Variants in CTNNA3 observed in about 807,000 individuals in gnomAD.
The protein encoded by CTNNA3 is catenin alpha-3.
A neutral mutation model predicts 95.7 loss-of-function variants in CTNNA3; 76 were observed. The observed-to-expected ratio is 0.79, with a 90% CI of 0.66 to 0.96. The LOEUF (loss-of-function observed/expected upper bound fraction) is 0.96. Ranked by LOEUF, CTNNA3 falls within the 40% of genes least tolerant of loss-of-function variation. The pLI is 0.00. For missense variants in CTNNA3, 1,191 were observed against 1,089.8 expected (o/e 1.09, Z -1.31); for synonymous variants, 431 against 374.4 (o/e 1.15, Z -1.74).
At chr10:66,378,498 A>G (rs1255914209) in intron 12 of CTNNA3, among the ~76,000 whole-genome samples, 1 of 152,168 alleles carries the variant, frequency 6.6e-6, no homozygotes, top group Non-Finnish European at 1.5e-5. Context: ...TTTTGAATCC[A>G]TATGAATTCA....
intron 2 of CTNNA3, among the ~76,000 whole-genome samples, chr10:67,637,479 G>C (rs867500408): frequency 6.6e-6 from 1 of 152,108 alleles, no homozygotes; most frequent in African/African-American, 2.4e-5. Flanking sequence ...ATCTAGCAAG[G>C]CAGGCCAACA....
At chr10:66,426,154 G>A (rs2093238925) in intron 11 of CTNNA3, among the ~76,000 whole-genome samples, 1 of 151,972 alleles carries the variant, frequency 6.6e-6, no homozygotes, top group Non-Finnish European at 1.5e-5. Flanking sequence ...ACTACTTAGA[G>A]CTATTATGGT....
intron 7 of CTNNA3, among the ~76,000 whole-genome samples, chr10:66,906,596 C>T (rs1410295557): frequency 1.3e-5 from 2 of 152,024 alleles, no homozygotes; most frequent in African/African-American, 2.4e-5. Flanking sequence ...ATTAATTTTT[C>T]GATACAATAT....
intron 3 of CTNNA3, among the ~76,000 whole-genome samples, chr10:67,582,770 T>C (rs573049499): frequency 6.6e-6 from 1 of 152,302 alleles, no homozygotes; most frequent in Admixed American, 6.5e-5. Flanking sequence ...ATATTTAGGA[T>C]AGTTAGCTCT....
intron 7 of CTNNA3, among the ~76,000 whole-genome samples, chr10:67,004,168 A>G (rs1851841761): frequency 6.6e-6 from 1 of 152,140 alleles, no homozygotes; most frequent in Non-Finnish European, 1.5e-5. Flanking sequence ...GTAGTGACAA[A>G]TACTTAATTA....
chr10:67,018,659 C>T (rs1364340602), intron 7 of CTNNA3, among the ~76,000 whole-genome samples: 2 of 152,182 alleles, frequency 1.3e-5, no homozygotes, highest in East Asian at 3.8e-4. Flanking sequence ...ACCTACTAGC[C>T]TTTTTAACCG....
At chr10:66,860,028 A>C (rs1270336594) in intron 7 of CTNNA3, among the ~76,000 whole-genome samples, 1 of 83,342 alleles carries the variant, frequency 1.2e-5, no homozygotes, top group Non-Finnish European at 2.3e-5. Context: ...GGGTGGGGGG[A>C]GGGGGGAGGG....
At chr10:66,252,911 G>C (rs1426961891) in intron 13 of CTNNA3, among the ~76,000 whole-genome samples, 1 of 152,088 alleles carries the variant, frequency 6.6e-6, no homozygotes, top group African/African-American at 2.4e-5. Flanking sequence ...AACTTTTTGG[G>C]AGATAGAGAG....
chr10:66,342,946 TA>T (rs1262878176), intron 12 of CTNNA3, among the ~76,000 whole-genome samples: 2 of 152,052 alleles, frequency 1.3e-5, no homozygotes, highest in African/African-American at 4.8e-5. Context: ...TTCATTGTTT[TA>T]TTTAATTCTC....
At chr10:66,223,570 T>C (rs1253613589) in intron 13 of CTNNA3, among the ~76,000 whole-genome samples, 1 of 152,182 alleles carries the variant, frequency 6.6e-6, no homozygotes, top group Non-Finnish European at 1.5e-5. Flanking sequence ...TTTTCAGAGG[T>C]ATTTGTTTGT....
At chr10:67,763,305 C>G (rs1001656950) in intron 1 of CTNNA3, among the ~76,000 whole-genome samples, 6 of 151,896 alleles carry the variant, frequency 4.0e-5, no homozygotes, top group Non-Finnish European at 8.8e-5. Flanking sequence ...AAAGAACAAT[C>G]TCAGACAAAA....
chr10:67,683,582 A>AT (rs1261373230), intron 1 of CTNNA3, among the ~76,000 whole-genome samples: 9 of 152,322 alleles, frequency 5.9e-5, no homozygotes, highest in African/African-American at 2.2e-4. Context: ...TTCATTTATT[A>AT]CCCAGTTAAT....
At chr10:67,661,114 CATGTAT>C (rs534191478) in intron 1 of CTNNA3, among the ~76,000 whole-genome samples, 26 of 151,978 alleles carry the variant, frequency 1.7e-4, no homozygotes, top group African/African-American at 6.0e-4. Flanking sequence ...ATATGCAATA[CATGTAT>C]ATGTATATGT....
chr10:66,133,057 T>C (rs540909927), intron 13 of CTNNA3, among the ~76,000 whole-genome samples: 5 of 151,706 alleles, frequency 3.3e-5, no homozygotes, highest in African/African-American at 1.2e-4. Flanking sequence ...AAATAACATT[T>C]TTTTAAAACT....
chr10:67,485,189 C>T (rs1476164580), intron 5 of CTNNA3, among the ~76,000 whole-genome samples: 5 of 152,232 alleles, frequency 3.3e-5, no homozygotes, highest in South Asian at 2.1e-4. Flanking sequence ...CAGCTGGAGG[C>T]CATTATCTTA....
chr10:67,514,667 T>C (rs1275129176), intron 5 of CTNNA3, among the ~76,000 whole-genome samples: 5 of 152,034 alleles, frequency 3.3e-5, no homozygotes, highest in African/African-American at 1.2e-4. Flanking sequence ...AACACTGAAG[T>C]TGTTTTTTGT....
chr10:66,270,225 G>T (rs10822785), intron 13 of CTNNA3, among the ~76,000 whole-genome samples: 33,017 of 105,886 alleles, frequency 0.31, 3,809 homozygotes, highest in Admixed American at 0.39. Context: ...AACATTTTTT[G>T]GGGGGGGGGG....
At chr10:67,324,078 C>T (rs1478175838) in intron 5 of CTNNA3, among the ~76,000 whole-genome samples, 2 of 151,930 alleles carry the variant, frequency 1.3e-5, no homozygotes, top group South Asian at 2.1e-4. Flanking sequence ...TCCTGAGACT[C>T]TGTTGCAAAA....
intron 7 of CTNNA3, chr10:67,012,451 G>T (rs1852398704): frequency 6.6e-6 from 1 of 152,096 alleles, no homozygotes; most frequent in Non-Finnish European, 1.5e-5. Flanking sequence ...GCTCACAATT[G>T]TGAGGAAATT....
Sources: allele counts gnomAD v4.1 joint callset (sites outside exome capture counted in the v4.1 genomes callset), GRCh38; gene constraint gnomAD v4.1.1; transcripts MANE v1.5; gene names NCBI Gene and HGNC (gene_info 2026-07-23, HGNC 2026-07-21).